Variants in SLC6A7 observed in about 807,000 individuals in gnomAD.
SLC6A7 encodes the protein solute carrier family 6 member 7.
SLC6A7 carries 58 observed loss-of-function variants against 73.1 expected under a neutral mutation model. The ratio of observed to expected loss-of-function variants is 0.79; its 90% CI spans 0.64 to 0.99. The LOEUF is 0.99. Ranked by LOEUF, SLC6A7 falls within the 50% of genes least tolerant of loss-of-function variation. The pLI, the probability that SLC6A7 is intolerant of heterozygous loss-of-function variation, is 0.00. For synonymous variants in SLC6A7, 338 were observed against 338.7 expected (o/e 1.00, Z 0.02); for missense variants, 783 against 831.4 (o/e 0.94, Z 0.72).
rs141058997 is a variant in SLC6A7 at position 150,196,742 on chromosome 5, A to T, written c.244A>T (p.Met82Leu). The T allele has an allele frequency of 2.5e-6, 4 of 1,613,906 alleles. No individual in the cohort carries two copies. Among genetic ancestry groups the T allele is most frequent in the East Asian group, 2.2e-5 (1 of 44,872 alleles). The change falls in exon 3 of 14, where the codon ATG becomes TTG. Residue 82 changes from methionine to leucine, a missense_variant. By Grantham distance (15) the Met-to-Leu change is conservative. Coordinates refer to ENST00000230671, the MANE Select transcript of SLC6A7 (RefSeq NM_014228.5). ...GGAFLVPYFL[M>L]LAICGIPLFF... ...CGCCTTCCTCGTGCCCTACTTCCTC[A>T]TGCTGGCCATCTGTGGCATCCCCCT...
At chr5:150,202,828 A>C in intron 8 of SLC6A7, 125 bp downstream of exon 8, 1 of 1,088,666 alleles carries the variant, frequency 9.2e-7, no homozygotes, top group Middle Eastern at 3.1e-4. Flanking sequence ...TGATCCCAGC[A>C]CTTTGGGAGG....
At chr5:150,203,410 A>G (rs894936224) in intron 8 of SLC6A7, among the ~76,000 whole-genome samples, 9 of 152,172 alleles carry the variant, frequency 5.9e-5, no homozygotes, top group Non-Finnish European at 1.2e-4. Context: ...CAATAATTGT[A>G]TACATAAGTA....
At chr5:150,202,553 G>A (rs756751702) in intron 7 of SLC6A7, 26 bp from the exon 8 acceptor site, 10 of 1,613,014 alleles carry the variant, frequency 6.2e-6, no homozygotes, top group Non-Finnish European at 8.5e-6. Context: ...ACTCACCCTG[G>A]CCCGCACCTG....
chr5:150,194,992 C>T (rs1752953551), intron 2 of SLC6A7, 81 bp downstream of exon 2: 3 of 1,261,452 alleles, frequency 2.4e-6, no homozygotes, highest in Admixed American at 1.9e-5. Flanking sequence ...TAGGTGGCCT[C>T]AGCCACTGTC....
At position 150,204,613 on chromosome 5, in the gene SLC6A7, G is replaced by A; in HGVS notation, c.1414G>A (p.Ala472Thr). ...LMVVVITTCLAVTRVYGIQRF... is the reference protein window; with the variant it reads ...LMVVVITTCLTVTRVYGIQRF... ...GGTGGTGGTTATCACCACGTGCCTTGCCGTGACACGGGTGTATGGTGAGAA... is the reference window on the plus strand; with the variant it reads ...GGTGGTGGTTATCACCACGTGCCTTACCGTGACACGGGTGTATGGTGAGAA... The change falls in exon 11 of 14, where the codon GCC becomes ACC. Residue 472 changes from alanine to threonine, a missense_variant. Transcript: ENST00000230671. The A allele has an allele frequency of 6.2e-7, 1 of 1,612,778 alleles. No individual in the cohort carries two copies. Among genetic ancestry groups the A allele is most frequent in the Non-Finnish European group, 8.5e-7 (1 of 1,178,708 alleles).
At chr5:150,200,426 G>A (rs1753314940) in intron 5 of SLC6A7, among the ~76,000 whole-genome samples, 1 of 152,188 alleles carries the variant, frequency 6.6e-6, no homozygotes, top group African/African-American at 2.4e-5. Context: ...CTGGGAGACG[G>A]TAGTTGCAGT....
At position 150,210,528 on chromosome 5, in the gene SLC6A7, G is replaced by T. The variant is rs1753924233; in HGVS notation, c.*913G>T. 6.6e-6 allele frequency: 1 copy of T among 152,546 alleles called. No homozygotes were observed. Among genetic ancestry groups the T allele is most frequent in the Non-Finnish European group, 1.5e-5 (1 of 68,240 alleles). The allele number at this position is 152,546 out of a possible 1,614,324, so 9.4% of individuals were successfully genotyped here. ...CCGGTGGCCTGAGCCAGGGTGCTGG[G>T]GCTGCGGGTGGGGAAAGGAGGCCCC... is the stretch of plus-strand genomic sequence containing the variant. On this transcript the variant is annotated 3_prime_UTR_variant, in exon 14 of 14. Transcript: ENST00000230671.
Position 150,203,939 on chromosome 5 carries a change from G to T in SLC6A7, c.1233G>T (p.Val411=). Residue 411 remains valine (V), a synonymous_variant, in exon 10 of 14, where the codon GTG becomes GTT. Coordinates refer to ENST00000230671, the MANE Select transcript of SLC6A7 (RefSeq NM_014228.5). ...FAFLETIVTA[V]TDEFPYYLRP... Reference sequence around the variant, plus strand: ...TTCTGGAGACCATTGTGACAGCTGTGACAGATGAGTTCCCATACTACCTGC... The same window carrying T: ...TTCTGGAGACCATTGTGACAGCTGTTACAGATGAGTTCCCATACTACCTGC... The T allele has an allele frequency of 2.5e-6, 4 of 1,613,620 alleles. No homozygotes were observed. Among genetic ancestry groups the T allele is most frequent in the Non-Finnish European group, 3.4e-6 (4 of 1,179,902 alleles).
intron 4 of SLC6A7, 76 bp from the exon 5 acceptor site, chr5:150,199,152 C>G: frequency 6.7e-7 from 1 of 1,485,056 alleles, no homozygotes; most frequent in Non-Finnish European, 8.9e-7. Flanking sequence ...GCCTTGTGGG[C>G]TGGACATGGC....
At chr5:150,205,089 T>A (rs1753617554) in intron 12 of SLC6A7, among the ~76,000 whole-genome samples, 162 bp downstream of exon 12, 1 of 152,204 alleles carries the variant, frequency 6.6e-6, no homozygotes. Context: ...GTTCCCAGCT[T>A]CTGTAGCTGT....
rs1753050966 is a variant in SLC6A7, at chr5:150,196,867, C to G, written c.349+20C>G. 1 of 1,610,994 alleles carries G rather than the reference C, an allele frequency of 6.2e-7. No homozygotes were observed. The highest frequency in any genetic ancestry group is 1.3e-5 in the African/African-American group (1 of 74,874). The stretch of plus-strand genomic sequence containing the variant: ...TCAAAGGTGAGGCCTCAGTGGTCCC[C>G]AGGGAGGGAAGGGCTCAGGGTCTGG... On this transcript the variant is annotated intron_variant, in intron 3 of 13. Coordinates refer to ENST00000230671, the MANE Select transcript of SLC6A7 (RefSeq NM_014228.5).
intron 5 of SLC6A7, among the ~76,000 whole-genome samples, chr5:150,200,309 A>G (rs1562089819): frequency 1.3e-5 from 2 of 152,174 alleles, no homozygotes; most frequent in Admixed American, 6.5e-5. Flanking sequence ...CCTGGCCAAC[A>G]TGGTGAAACC....
intron 13 of SLC6A7, among the ~76,000 whole-genome samples, chr5:150,206,899 C>T (rs539073473): frequency 3.9e-5 from 6 of 152,328 alleles, no homozygotes; most frequent in African/African-American, 1.2e-4. Flanking sequence ...ACCACCGCCC[C>T]GCTGCCCTGC....
chr5:150,202,310 A>G (rs780745741), intron 6 of SLC6A7, 37 bp from the exon 7 acceptor site: 2 of 1,431,066 alleles, frequency 1.4e-6, no homozygotes, highest in African/African-American at 1.4e-5. Flanking sequence ...GTCCTTGACC[A>G]TCCGCACACC....
intron 1 of SLC6A7, 42 bp downstream of exon 1, chr5:150,190,402 A>T: frequency 7.2e-7 from 1 of 1,396,768 alleles, no homozygotes; most frequent in Non-Finnish European, 9.5e-7. Flanking sequence ...CACCTGGAGG[A>T]GGGTTGGAGA....
chr5:150,199,403 G>A, intron 5 of SLC6A7, 37 bp downstream of exon 5: 1 of 1,524,726 alleles, frequency 6.6e-7, no homozygotes. Context: ...TGAGGGGCTG[G>A]ATGGGGTGAA....
Position 150,198,820 on chromosome 5 carries a change from G to GTGTGTGTT in SLC6A7, c.585-401_585-400insTTGTGTGT, listed in dbSNP as rs1580860221. 4.0e-5 allele frequency among the ~76,000 whole-genome samples: 5 copies of GTGTGTGTT among 124,294 alleles called. No homozygotes were observed. The East Asian group carries it at 9.0e-4, about 22-fold the overall frequency. 81.5% of individuals were successfully genotyped at this position (124,294 alleles called of 152,430 possible). On this transcript the variant is annotated intron_variant, in intron 4 of 13. Transcript: ENST00000230671. ...TGGCCAGGCCCTGGATGGTGTGTGT[G>GTGTGTGTT]TGTGTGTGTGTGTGTGTGTGTGTGT...
chr5:150,204,578 T>C lies in SLC6A7; in HGVS notation c.1379T>C (p.Phe460Ser), dbSNP rs1753577472. ...LVLLDDYSASFGLMVVVITTC... is the reference protein window; with the variant it reads ...LVLLDDYSASSGLMVVVITTC... Reference sequence around the variant, plus strand: ...CTTCTGGATGACTACAGCGCCAGCTTCGGGCTGATGGTGGTGGTTATCACC... The same window carrying C: ...CTTCTGGATGACTACAGCGCCAGCTCCGGGCTGATGGTGGTGGTTATCACC... Residue 460 changes from phenylalanine to serine, a missense_variant, in exon 11 of 14, where the codon TTC becomes TCC. By Grantham distance (155) the Phe-to-Ser change is radical. Transcript: ENST00000230671. 1 of 1,614,038 alleles carries C rather than the reference T, an allele frequency of 6.2e-7. No homozygotes were observed. Among genetic ancestry groups the C allele is most frequent in the South Asian group, 1.1e-5 (1 of 91,084 alleles).
chr5:150,201,197 C>A lies in SLC6A7; in HGVS notation c.832C>A (p.Gln278Lys), dbSNP rs767986812. The A allele has an allele frequency of 5.6e-6, 9 of 1,612,942 alleles. No homozygotes were observed. In the African/African-American group the frequency reaches 6.7e-5, roughly 12 times the overall value. The change falls in exon 6 of 14, where the codon CAG becomes AAG. Residue 278 changes from glutamine to lysine, a missense_variant. Transcript: ENST00000230671. The stretch of plus-strand genomic sequence containing the variant: ...GGGCATCCAGTTCTATCTCACCCCC[C>A]AGTTCCACCACTTGTTGTCTTCCAA... Reference protein sequence around the residue: ...WKGIQFYLTPQFHHLLSSKVW... With the variant: ...WKGIQFYLTPKFHHLLSSKVW...
Sources: gnomAD v4.1 joint callset for allele counts (sites outside exome capture counted in the v4.1 genomes callset) on GRCh38, gnomAD v4.1.1 for gene constraint, MANE v1.5 for transcripts, NCBI Gene and HGNC (gene_info 2026-07-23, HGNC 2026-07-21) for gene names.